UPF1: variants seen among roughly 807,000 people sequenced by gnomAD.
The protein encoded by UPF1 is regulator of nonsense transcripts 1.
Under a neutral mutation model 129.2 loss-of-function variants are expected in UPF1, and 9 were observed. The observed-to-expected ratio is 0.07, with a 90% CI of 0.04 to 0.12. UPF1 has a LOEUF of 0.12. UPF1 is among the 10% of genes least tolerant of loss of function. UPF1 has a pLI of 1.00. For synonymous variants in UPF1, 649 were observed against 644.9 expected, an observed-to-expected ratio of 1.01 and a Z score of -0.10; for missense variants, 788 against 1,525.3, an observed-to-expected ratio of 0.52 and a Z score of 8.05.
At chr19:18,844,490 A>ATT (rs5827424) in intron 1 of UPF1, among the ~76,000 whole-genome samples, 255 of 145,424 alleles carry the variant, frequency 1.8e-3, no homozygotes, top group South Asian at 3.7e-3. Context: ...CGTCCAGCTA[A>ATT]TTTTTTTTTT....
intron 1 of UPF1, among the ~76,000 whole-genome samples, chr19:18,839,034 A>G (rs1254052189): frequency 6.6e-6 from 1 of 152,120 alleles, no homozygotes; most frequent in African/African-American, 2.4e-5. Flanking sequence ...GCTTACCACC[A>G]TCAGCTACCA....
chr19:18,844,116 A>G (rs2055572292), intron 1 of UPF1, among the ~76,000 whole-genome samples: 1 of 152,044 alleles, frequency 6.6e-6, no homozygotes. Flanking sequence ...GCCCCTGTAC[A>G]GCTCTTAGAT....
Position 18,857,494 on chromosome 19 carries a change from A to G in UPF1, c.2143A>G (p.Ile715Val). 2 of 1,613,910 alleles carry G rather than the reference A, an allele frequency of 1.2e-6. No homozygotes were observed. Among genetic ancestry groups the G allele is most frequent in the Non-Finnish European group, 1.7e-6 (2 of 1,179,952 alleles). The change falls in exon 15 of 24, where the codon ATC becomes GTC. Residue 715 changes from isoleucine to valine, a missense_variant. By Grantham distance (29) the Ile-to-Val change is conservative. Coordinates refer to ENST00000262803, the MANE Select transcript of UPF1 (RefSeq NM_002911.4). Reference protein sequence around the residue: ...HPALSAFPSNIFYEGSLQNGV... With the variant: ...HPALSAFPSNVFYEGSLQNGV... ...TGCACTCAGCGCCTTCCCATCCAAC[A>G]TCTTCTACGAGGGCTCCCTCCAGAA...
chr19:18,857,091 A>C, intron 14 of UPF1, 71 bp downstream of exon 14: 1 of 1,562,672 alleles, frequency 6.4e-7, no homozygotes, highest in East Asian at 2.3e-5. Context: ...CTTTTAAAAC[A>C]CCTTGTATTG....
chr19:18,858,055 C>T (rs148089742), intron 15 of UPF1, among the ~76,000 whole-genome samples: 5 of 152,322 alleles, frequency 3.3e-5, no homozygotes, highest in East Asian at 1.9e-4. Context: ...CAGTAAGAAA[C>T]GCCCTGGATG....
intron 3 of UPF1, chr19:18,848,995 A>G (rs991224545): frequency 6.6e-6 from 1 of 152,258 alleles, no homozygotes; most frequent in African/African-American, 2.4e-5. Flanking sequence ...GCTTGAGCCA[A>G]GCACCACTGA....
intron 17 of UPF1, among the ~76,000 whole-genome samples, chr19:18,861,670 CA>C (rs143409064): frequency 1.3e-5 from 2 of 149,864 alleles, no homozygotes; most frequent in Non-Finnish European, 3.0e-5. Context: ...CTGCCTCCAC[CA>C]AAAAAAAATA....
chr19:18,857,231 C>T (rs1203240161), intron 14 of UPF1, 89 bp from the exon 15 acceptor site: 40 of 1,498,042 alleles, frequency 2.7e-5, no homozygotes, highest in Non-Finnish European at 3.3e-5. Flanking sequence ...GTGTCCTGTG[C>T]ATCCTGGGGC....
rs372947880 is a variant in UPF1, at chr19:18,857,538, C to T, written c.2182+5C>T. ...TCCAGAATGGTGTCACTGCAGGTAA[C>T]GGGGCTCTGCCCAGGGCAGGGGCTT... On this transcript the variant is annotated splice_donor_5th_base_variant and intron_variant, in intron 15 of 23. Transcript: ENST00000262803. 94 of 1,607,640 alleles carry T rather than the reference C, an allele frequency of 5.8e-5. No individual in the cohort carries two copies. The highest frequency in any genetic ancestry group is 2.5e-4 in the Admixed American group (15 of 58,964).
At chr19:18,855,465 G>A in intron 11 of UPF1, 1 of 609,156 alleles carries the variant, frequency 1.6e-6, no homozygotes, top group African/African-American at 1.8e-5. Context: ...AGAAAACTGG[G>A]GGCAGGGGGG....
At position 18,832,398 on chromosome 19, in the gene UPF1, C is replaced by CGGCGCG. The variant is rs1053857818; in HGVS notation, c.201_206dup (p.Gly68_Ala69dup). 198 of 1,028,940 alleles carry CGGCGCG rather than the reference C, an allele frequency of 1.9e-4. 1 individual carries two copies. The Admixed American group carries it at 4.6e-3, about 24-fold the overall frequency. 63.7% of individuals were successfully genotyped at this position (1,028,940 alleles called of 1,614,324 possible). A position where few individuals can be genotyped will look rare whatever the true frequency, so the allele number is the denominator to read the frequency against. ...GCGGTGGCGGCGCGGGAGGCCCGGG[C>CGGCGCG]GGCGCGGGCGCGGGCGCTGCGGCGG... On this transcript the variant is annotated inframe_insertion, in exon 1 of 24. Coordinates refer to ENST00000262803, the MANE Select transcript of UPF1 (RefSeq NM_002911.4). The surrounding 1 kb of genome is among the most constrained non-coding windows in gnomAD (Gnocchi z 5.6).
intron 1 of UPF1, among the ~76,000 whole-genome samples, chr19:18,836,715 G>T (rs1461627040): frequency 6.6e-6 from 1 of 151,692 alleles, no homozygotes; most frequent in Non-Finnish European, 1.5e-5. Flanking sequence ...AATGAAACTG[G>T]AAAGAAAAGT....
At chr19:18,847,177 GTTCTC>G (rs1448842250) in intron 2 of UPF1, among the ~76,000 whole-genome samples, 2 of 152,252 alleles carry the variant, frequency 1.3e-5, no homozygotes, top group Non-Finnish European at 2.9e-5. Flanking sequence ...ATGTAATTGT[GTTCTC>G]TTAACACACA....
chr19:18,849,653 C>A (rs568030838), intron 3 of UPF1, among the ~76,000 whole-genome samples: 1 of 152,232 alleles, frequency 6.6e-6, no homozygotes, highest in African/African-American at 2.4e-5. Context: ...AGGCACAGGG[C>A]CTCTGAGGAG....
chr19:18,858,592 G>A (rs1170497187), intron 15 of UPF1, among the ~76,000 whole-genome samples: 1 of 152,054 alleles, frequency 6.6e-6, no homozygotes, highest in Non-Finnish European at 1.5e-5. Flanking sequence ...ATGCAGAAAG[G>A]CTGTAAAAAC....
intron 11 of UPF1, chr19:18,855,468 C>A: frequency 1.6e-6 from 1 of 606,924 alleles, no homozygotes; most frequent in East Asian, 2.8e-5. Context: ...AAACTGGGGG[C>A]AGGGGGGGCA....
chr19:18,842,946 C>T (rs2055557049), intron 1 of UPF1, among the ~76,000 whole-genome samples: 1 of 151,680 alleles, frequency 6.6e-6, no homozygotes, highest in African/African-American at 2.4e-5. Flanking sequence ...GAGATCGCGC[C>T]ATTGCACTCC....
At chr19:18,864,739 T>TTG (rs967227831) in intron 20 of UPF1, among the ~76,000 whole-genome samples, 16 of 138,290 alleles carry the variant, frequency 1.2e-4, no homozygotes, top group South Asian at 9.7e-4. Context: ...AGGTGTTTTT[T>TTG]TTTTTTTTTT....
chr19:18,857,588 A>G lies in UPF1; in HGVS notation c.2182+55A>G, dbSNP rs1601121345. On this transcript the variant is annotated intron_variant, in intron 15 of 23. Transcript: ENST00000262803. ...TCTACAGAGAAGCGGCATCAAGGGA[A>G]TGTGGACTGGGGAGAAGGAACTGGC... The G allele has an allele frequency of 6.6e-5, 100 of 1,509,860 alleles. 1 individual carries two copies. The South Asian group carries it at 1.1e-3, about 17-fold the overall frequency. The allele number at this position is 1,509,860 out of a possible 1,614,324, so 93.5% of individuals were successfully genotyped here. A position where few individuals can be genotyped will look rare whatever the true frequency, so the allele number is the denominator to read the frequency against.
Sources: allele counts gnomAD v4.1 joint callset (sites outside exome capture counted in the v4.1 genomes callset), GRCh38; gene constraint gnomAD v4.1.1; non-coding constraint Gnocchi (gnomAD v3.1); transcripts MANE v1.5; gene names NCBI Gene and HGNC (gene_info 2026-07-23, HGNC 2026-07-21).